PLPPR1: variants seen among roughly 807,000 people sequenced by gnomAD.
The protein encoded by PLPPR1 is phospholipid phosphatase-related protein type 1.
Under a neutral mutation model 33.1 loss-of-function variants are expected in PLPPR1, and 10 were observed. The observed-to-expected ratio is 0.30, with a 90% CI of 0.19 to 0.51. The LOEUF (loss-of-function observed/expected upper bound fraction) is 0.51, where lower values mean the gene tolerates loss of function less well. PLPPR1 is among the 20% of genes least tolerant of loss of function. PLPPR1 has a pLI of 0.97. For missense variants in PLPPR1, 304 were observed against 408.1 expected (o/e 0.74, Z 2.20); for synonymous variants, 151 against 151.0 (o/e 1.00, Z 0.00).
chr9:101,162,849 A>G (rs572452375), intron 1 of PLPPR1, among the ~76,000 whole-genome samples: 1 of 152,120 alleles, frequency 6.6e-6, no homozygotes, highest in African/African-American at 2.4e-5. Flanking sequence ...AGAACCTACA[A>G]GTGCTTTTTA....
At chr9:101,227,041 GC>G (rs902941312) in intron 2 of PLPPR1, among the ~76,000 whole-genome samples, 20 of 152,100 alleles carry the variant, frequency 1.3e-4, no homozygotes, top group African/African-American at 4.6e-4. Flanking sequence ...AGGTGCCTGT[GC>G]CCTAATTGTG....
chr9:101,072,532 G>A (rs1020146301), intron 1 of PLPPR1, among the ~76,000 whole-genome samples: 20 of 152,072 alleles, frequency 1.3e-4, no homozygotes, highest in East Asian at 3.9e-4. Flanking sequence ...AACAAATCAC[G>A]CTGTGCCACA....
At chr9:101,106,517 C>T (rs1205106542) in intron 1 of PLPPR1, among the ~76,000 whole-genome samples, 10 of 114,332 alleles carry the variant, frequency 8.7e-5, no homozygotes, top group African/African-American at 3.1e-4. Context: ...CCGAGAGATC[C>T]GCTGTTAGTC....
chr9:101,117,988 G>A (rs1245075829), intron 1 of PLPPR1, among the ~76,000 whole-genome samples: 1 of 152,238 alleles, frequency 6.6e-6, no homozygotes, highest in Non-Finnish European at 1.5e-5. Flanking sequence ...AGTAGAGACA[G>A]AATGTGTAAG....
intron 1 of PLPPR1, among the ~76,000 whole-genome samples, chr9:101,114,513 G>T (rs899782567): frequency 2.6e-5 from 4 of 152,148 alleles, no homozygotes; most frequent in Non-Finnish European, 5.9e-5. Flanking sequence ...CACTCTGCAG[G>T]GAGAGAGGTA....
intron 4 of PLPPR1, among the ~76,000 whole-genome samples, chr9:101,291,876 C>G (rs933956923): frequency 6.6e-6 from 1 of 152,120 alleles, no homozygotes; most frequent in Non-Finnish European, 1.5e-5. Flanking sequence ...TTCTAAAAAG[C>G]AGAGCACCTC....
At chr9:101,242,674 A>G (rs1033006320) in intron 2 of PLPPR1, among the ~76,000 whole-genome samples, 1 of 152,098 alleles carries the variant, frequency 6.6e-6, no homozygotes, top group Non-Finnish European at 1.5e-5. Context: ...TATATGTTCT[A>G]GAACTGCTAA....
At chr9:101,076,382 T>C (rs1488890866) in intron 1 of PLPPR1, among the ~76,000 whole-genome samples, 1 of 152,298 alleles carries the variant, frequency 6.6e-6, no homozygotes, top group Admixed American at 6.5e-5. Context: ...AATGGGCATA[T>C]TGGTACTTAC....
At chr9:101,287,115 G>A (rs1828406580) in intron 4 of PLPPR1, among the ~76,000 whole-genome samples, 2 of 152,170 alleles carry the variant, frequency 1.3e-5, no homozygotes, top group Admixed American at 1.3e-4. Flanking sequence ...AATCAAATAT[G>A]CAATAACTTG....
intron 1 of PLPPR1, among the ~76,000 whole-genome samples, chr9:101,060,941 A>G (rs915349999): frequency 1.3e-5 from 2 of 151,860 alleles, no homozygotes; most frequent in Non-Finnish European, 2.9e-5. Context: ...TCTGTAATTC[A>G]TCTTATTTAC....
At chr9:101,216,791 G>T (rs1826805353) in intron 2 of PLPPR1, among the ~76,000 whole-genome samples, 1 of 152,100 alleles carries the variant, frequency 6.6e-6, no homozygotes, top group African/African-American at 2.4e-5. Context: ...AGCATCAGTG[G>T]CCTCTACTCT....
chr9:101,093,229 A>T (rs1171756893), intron 1 of PLPPR1, among the ~76,000 whole-genome samples: 1 of 152,196 alleles, frequency 6.6e-6, no homozygotes, highest in Non-Finnish European at 1.5e-5. Context: ...GATTGAGCCA[A>T]ATACAGAAAC....
At chr9:101,175,757 A>G (rs969220665) in intron 1 of PLPPR1, among the ~76,000 whole-genome samples, 1 of 152,162 alleles carries the variant, frequency 6.6e-6, no homozygotes, top group Non-Finnish European at 1.5e-5. Flanking sequence ...ACTCAAATTC[A>G]TGAGAACACA....
chr9:101,296,392 A>T (rs140180942), intron 4 of PLPPR1, among the ~76,000 whole-genome samples: 7,352 of 150,336 alleles, frequency 0.049, 340 homozygotes, highest in African/African-American at 0.11. Context: ...TCAGTGTGGC[A>T]ATTCCTCAGG....
At chr9:101,102,129 A>T (rs1483319826) in intron 1 of PLPPR1, among the ~76,000 whole-genome samples, 3 of 97,636 alleles carry the variant, frequency 3.1e-5, no homozygotes, top group African/African-American at 8.3e-5. Context: ...TTCCTATTAT[A>T]GCTTTATTCT....
chr9:101,035,109 G>A (rs906172922), intron 1 of PLPPR1, among the ~76,000 whole-genome samples: 11 of 152,118 alleles, frequency 7.2e-5, no homozygotes, highest in Admixed American at 7.2e-4. Context: ...TTAGGGAAAC[G>A]ACTACTTGTA....
intron 1 of PLPPR1, among the ~76,000 whole-genome samples, chr9:101,040,929 AT>A (rs1221474605): frequency 6.6e-6 from 1 of 152,218 alleles, no homozygotes; most frequent in Non-Finnish European, 1.5e-5. Context: ...AGAAAAAAAA[AT>A]ATCGTCTTGA....
At chr9:101,112,179 T>C (rs961736458) in intron 1 of PLPPR1, among the ~76,000 whole-genome samples, 1 of 152,210 alleles carries the variant, frequency 6.6e-6, no homozygotes, top group Non-Finnish European at 1.5e-5. Context: ...ACTTAGAAAC[T>C]TTTGTGTCAA....
intron 1 of PLPPR1, among the ~76,000 whole-genome samples, chr9:101,135,162 C>A (rs1001685364): frequency 1.3e-5 from 2 of 152,166 alleles, no homozygotes; most frequent in Non-Finnish European, 1.5e-5. Flanking sequence ...TTGCTGCTAT[C>A]CCCATGGTAA....
Sources: allele counts gnomAD v4.1 joint callset (sites outside exome capture counted in the v4.1 genomes callset), GRCh38; gene constraint gnomAD v4.1.1; transcripts MANE v1.5; gene names NCBI Gene and HGNC (gene_info 2026-07-23, HGNC 2026-07-21).